The following ARMC6 variants were observed in gnomAD, a reference collection of about 807,000 sequenced individuals.
ARMC6 encodes the protein armadillo repeat containing 6.
Under a neutral mutation model 49.2 loss-of-function variants are expected in ARMC6, and 43 were observed. That is an observed-to-expected ratio of 0.87 (90% CI 0.69 to 1.13). ARMC6 has a LOEUF of 1.13. Ranked by LOEUF, ARMC6 falls within the 50% of genes most tolerant of loss-of-function variation. ARMC6 has a pLI of 0.00. For missense variants in ARMC6, 627 were observed against 682.0 expected, an observed-to-expected ratio of 0.92 and a Z score of 0.90; for synonymous variants, 262 against 289.6, an observed-to-expected ratio of 0.90 and a Z score of 0.97.
At position 19,055,399 on chromosome 19, in the gene ARMC6, A is replaced by G; in HGVS notation, c.1155+3A>G. 6.3e-7 allele frequency: 1 copy of G among 1,598,670 alleles called. No individual in the cohort carries two copies. The highest frequency in any genetic ancestry group is 8.5e-7 in the Non-Finnish European group (1 of 1,172,694). ...CCCAGCATCTGACCAGCCCCCAGGTACCCACCTCGGGGGGCACACACAGTA... is the reference window on the plus strand; with the variant it reads ...CCCAGCATCTGACCAGCCCCCAGGTGCCCACCTCGGGGGGCACACACAGTA... On this transcript the variant is annotated splice_donor_region_variant and intron_variant, in intron 7 of 8. Transcript: ENST00000535612. The surrounding 1 kb of genome is among the most constrained non-coding windows in gnomAD (Gnocchi z 5.7).
At chr19:19,053,626 C>G (rs1008765281) in intron 5 of ARMC6, among the ~76,000 whole-genome samples, 1 of 152,128 alleles carries the variant, frequency 6.6e-6, no homozygotes. Flanking sequence ...AGGAACTGAC[C>G]GTCGCAGCCC....
rs561348250 is a variant in ARMC6, at chr19:19,044,747, C to G, written c.279+673C>G. On this transcript the variant is annotated intron_variant, in intron 4 of 8. Coordinates refer to ENST00000535612, the MANE Select transcript of ARMC6 (RefSeq NM_001199196.2). ...AACAACACCTGCAAGGCTGGGATTT[C>G]CCCATTGTAGAGATGGGGACATTGA... Among the ~76,000 whole-genome samples the G allele has an allele frequency of 7.6e-4, 115 of 152,290 alleles. 1 individual carries two copies. Among genetic ancestry groups the G allele is most frequent in the African/African-American group, 2.6e-3 (108 of 41,568 alleles).
chr19:19,040,832 G>A, intron 2 of ARMC6: 2 of 403,632 alleles, frequency 5.0e-6, no homozygotes, highest in South Asian at 3.5e-5. Context: ...ATTTTGATAT[G>A]TACTGGATTT....
chr19:19,036,143 C>T (rs1568486671), intron 2 of ARMC6, among the ~76,000 whole-genome samples: 2 of 152,156 alleles, frequency 1.3e-5, no homozygotes, highest in Non-Finnish European at 2.9e-5. Context: ...CTCACTGCAA[C>T]CTCCACCTCC....
At position 19,055,318 on chromosome 19, in the gene ARMC6, C is replaced by T. The variant is rs202236249; in HGVS notation, c.1077C>T (p.Asp359=). The T allele has an allele frequency of 1.6e-4, 257 of 1,612,972 alleles. 1 individual carries two copies. Among genetic ancestry groups the T allele is most frequent in the African/African-American group, 8.4e-4 (63 of 74,886 alleles). ...TGCGAGCCATCGCAGGCAACGACGACGTGAAAGATGCTATTGTCCGTGCTG... is the reference window on the plus strand; with the variant it reads ...TGCGAGCCATCGCAGGCAACGACGATGTGAAAGATGCTATTGTCCGTGCTG... ...STLRAIAGND[D]VKDAIVRAGG... The change falls in exon 7 of 9, where the codon GAC becomes GAT. Residue 359 remains aspartate, a synonymous_variant. Transcript: ENST00000535612. This position sits in a 1 kb window ranked among gnomAD's most constrained non-coding sequence, Gnocchi z 5.7.
At chr19:19,053,092 C>T (rs1243540297) in intron 5 of ARMC6, among the ~76,000 whole-genome samples, 1 of 152,166 alleles carries the variant, frequency 6.6e-6, no homozygotes, top group Non-Finnish European at 1.5e-5. Context: ...GCTGGAAACC[C>T]CCAGGCAGTC....
At chr19:19,043,172 T>C (rs150651790) in intron 3 of ARMC6, among the ~76,000 whole-genome samples, 13 of 152,314 alleles carry the variant, frequency 8.5e-5, no homozygotes, top group African/African-American at 3.1e-4. Flanking sequence ...GGCCCCTGCC[T>C]CCCTGCCCTA....
In ARMC6 at chr19:19,054,841, A is replaced by G. The variant is rs1163494893; in HGVS notation, c.1024-424A>G. ...GTGGCCAGGAGCTGAATGGGAACCA[A>G]CTTCAGCAAATGAAGGGATACATTT... On this transcript the variant is annotated intron_variant, in intron 6 of 8. Transcript: ENST00000535612. Among the ~76,000 whole-genome samples the G allele has an allele frequency of 2.6e-5, 4 of 152,316 alleles. No homozygotes were observed. The South Asian group carries it at 6.2e-4, about 24-fold the overall frequency.
At chr19:19,053,989 G>A (rs1191977645) in intron 5 of ARMC6, among the ~76,000 whole-genome samples, 163 bp from the exon 6 acceptor site, 1 of 151,884 alleles carries the variant, frequency 6.6e-6, no homozygotes, top group Non-Finnish European at 1.5e-5. Context: ...GGCACTGCAG[G>A]CCCAGGTAGC....
chr19:19,040,649 T>G, intron 2 of ARMC6: 1 of 324,390 alleles, frequency 3.1e-6, no homozygotes, highest in South Asian at 2.1e-5. Context: ...AAGCACAGAG[T>G]TTGACTTTTT....
chr19:19,042,435 A>G (rs2059417943), intron 2 of ARMC6, among the ~76,000 whole-genome samples: 1 of 149,432 alleles, frequency 6.7e-6, no homozygotes, highest in Non-Finnish European at 1.5e-5. Flanking sequence ...TGCAGCCTTG[A>G]CCTCCCAGGC....
intron 8 of ARMC6, 36 bp from the exon 9 acceptor site, chr19:19,057,380 C>T (rs1275339697): frequency 1.5e-5 from 23 of 1,585,738 alleles, no homozygotes; most frequent in Non-Finnish European, 2.0e-5. Context: ...CACCCCAAAG[C>T]CCCATCTGGC....
intron 2 of ARMC6, among the ~76,000 whole-genome samples, chr19:19,041,381 C>T (rs1192520346): frequency 1.3e-5 from 2 of 151,974 alleles, no homozygotes; most frequent in Non-Finnish European, 2.9e-5. Flanking sequence ...CGGAATCTTG[C>T]TCTGTTGCCC....
At chr19:19,048,240 G>A (rs1698310378) in intron 4 of ARMC6, among the ~76,000 whole-genome samples, 1 of 152,202 alleles carries the variant, frequency 6.6e-6, no homozygotes, top group African/African-American at 2.4e-5. Flanking sequence ...CAGCTACTCA[G>A]GAGGCTGAGG....
chr19:19,038,561 G>A (rs879643258), intron 2 of ARMC6, among the ~76,000 whole-genome samples: 15 of 152,108 alleles, frequency 9.9e-5, no homozygotes, highest in Non-Finnish European at 1.9e-4. Flanking sequence ...TGCCTATACT[G>A]GGTTTTACTT....
intron 4 of ARMC6, among the ~76,000 whole-genome samples, chr19:19,050,730 T>C (rs940326390): frequency 1.3e-5 from 2 of 152,236 alleles, no homozygotes; most frequent in Non-Finnish European, 2.9e-5. Flanking sequence ...TTGTAACATA[T>C]ACTTAGGTCC....
chr19:19,049,279 C>G (rs1347947313), intron 4 of ARMC6, among the ~76,000 whole-genome samples: 2 of 151,962 alleles, frequency 1.3e-5, no homozygotes, highest in African/African-American at 4.8e-5. Context: ...TCTTGAACTC[C>G]TGAGCTCAAA....
chr19:19,045,537 G>A (rs186208554), intron 4 of ARMC6, among the ~76,000 whole-genome samples: 1 of 114,162 alleles, frequency 8.8e-6, no homozygotes, highest in Non-Finnish European at 1.7e-5. Flanking sequence ...GCCCAGGCTG[G>A]AGTACACTGG....
Position 19,055,459 on chromosome 19 carries a change from G to A in ARMC6, c.1155+63G>A. 1 of 1,532,962 alleles carries A rather than the reference G, an allele frequency of 6.5e-7. No individual in the cohort carries two copies. The highest frequency in any genetic ancestry group is 1.3e-5 in the South Asian group (1 of 79,036). The allele number at this position is 1,532,962 out of a possible 1,614,324, so 95.0% of individuals were successfully genotyped here. On this transcript the variant is annotated intron_variant, in intron 7 of 8. Coordinates refer to ENST00000535612, the MANE Select transcript of ARMC6 (RefSeq NM_001199196.2). The surrounding 1 kb of genome is among the most constrained non-coding windows in gnomAD (Gnocchi z 5.7). ...TGGCTGGAGTCCCAGTTCAGTTTCT[G>A]TATCTGCATGAAGCTCTATTCCCCT...
Sources: allele counts gnomAD v4.1 joint callset (sites outside exome capture counted in the v4.1 genomes callset), GRCh38; gene constraint gnomAD v4.1.1; non-coding constraint Gnocchi (gnomAD v3.1); transcripts MANE v1.5; gene names NCBI Gene and HGNC (gene_info 2026-07-23, HGNC 2026-07-21).